The following AFDN variants were observed in gnomAD, a reference collection of about 807,000 sequenced individuals.
AFDN encodes afadin.
A neutral mutation model predicts 216.6 loss-of-function variants in AFDN; 68 were observed. The observed-to-expected ratio is 0.31, with a 90% confidence interval of 0.26 to 0.38. The LOEUF (loss-of-function observed/expected upper bound fraction) is 0.38. Among genes scored for constraint, AFDN ranks in the 10% least tolerant of loss-of-function variants. The probability of loss-of-function intolerance (pLI) is 1.00; values close to 1 mark genes in which losing one functional copy is unlikely to be tolerated. For missense variants in AFDN, 2,136 were observed against 2,342.0 expected (o/e 0.91, Z 1.82); for synonymous variants, 868 against 853.7 (o/e 1.02, Z -0.29).
Position 167,970,030 on chromosome 6 carries a change from A to G in AFDN, c.*95A>G. The G allele has an allele frequency of 3.1e-6, 3 of 955,338 alleles. No homozygotes were observed. Among genetic ancestry groups the G allele is most frequent in the Non-Finnish European group, 4.5e-6 (3 of 663,008 alleles). 59.2% of individuals were successfully genotyped at this position (955,338 alleles called of 1,614,324 possible). ...TGAAGAGGAAAAGAGGAAGGGGGTT[A>G]TATTTCTAAGTGATTTACAATTTCT... is the stretch of plus-strand genomic sequence containing the variant. On this transcript the variant is annotated 3_prime_UTR_variant, in exon 34 of 34. Coordinates refer to ENST00000683244, the MANE Select transcript of AFDN (RefSeq NM_001386888.1).
Position 167,962,515 on chromosome 6 carries a change from A to T in AFDN, c.4916A>T (p.Glu1639Val), listed in dbSNP as rs1237014423. 6.2e-7 allele frequency: 1 copy of T among 1,613,890 alleles called. No individual in the cohort carries two copies. Among genetic ancestry groups the T allele is most frequent in the Non-Finnish European group, 8.5e-7 (1 of 1,179,778 alleles). ...GCGGAAGACCGAGCGAGGCAAGAGG[A>T]AGAGCGCCGGCGGCAGGAGGAGGAG... ...REAEDRARQE[E>V]ERRRQEEERT... Residue 1639 changes from glutamate to valine, a missense_variant, in exon 31 of 34, where the codon GAA (glutamate) becomes GTA (valine). Transcript: ENST00000683244. The surrounding 1 kb of genome is among the most constrained non-coding windows in gnomAD (Gnocchi z 5.2).
chr6:167,925,193 T>G (rs1254593241), intron 23 of AFDN, 102 bp downstream of exon 23: 7 of 806,206 alleles, frequency 8.7e-6, no homozygotes, highest in Non-Finnish European at 1.3e-5. Flanking sequence ...CACCTGTGTA[T>G]AACGTGCCTG....
chr6:167,866,616 A>T (rs989579889), intron 2 of AFDN, among the ~76,000 whole-genome samples: 2 of 152,182 alleles, frequency 1.3e-5, no homozygotes, highest in Non-Finnish European at 2.9e-5. Context: ...GTCTGCTGGG[A>T]CAGTTGTGCC....
At chr6:167,955,554 C>T (rs1796416229) in intron 30 of AFDN, among the ~76,000 whole-genome samples, 1 of 152,158 alleles carries the variant, frequency 6.6e-6, no homozygotes, top group South Asian at 2.1e-4. Context: ...GCTCAGCATC[C>T]ATGACACGGT....
intron 23 of AFDN, among the ~76,000 whole-genome samples, chr6:167,938,850 CA>C (rs1794331353): frequency 6.6e-6 from 1 of 152,084 alleles, no homozygotes; most frequent in Non-Finnish European, 1.5e-5. Context: ...GAAACTGGAA[CA>C]AAGACATCTT....
intron 30 of AFDN, chr6:167,954,634 T>A: frequency 1.8e-6 from 1 of 543,198 alleles, no homozygotes; most frequent in Non-Finnish European, 3.1e-6. Context: ...CCTGACACTT[T>A]AGAAGCATGC....
intron 23 of AFDN, among the ~76,000 whole-genome samples, chr6:167,932,346 A>G (rs1367103323): frequency 6.6e-6 from 1 of 152,182 alleles, no homozygotes; most frequent in Non-Finnish European, 1.5e-5. Flanking sequence ...CAGTGTGGGT[A>G]TGCAGTTTAC....
In AFDN at chr6:167,970,082, A is replaced by T; in HGVS notation, c.*147A>T. 1.5e-6 allele frequency: 1 copy of T among 664,526 alleles called. No homozygotes were observed. The highest frequency in any genetic ancestry group is 2.4e-6 in the Non-Finnish European group (1 of 422,936). The allele number at this position is 664,526 out of a possible 1,614,324, so 41.2% of individuals were successfully genotyped here. The stretch of plus-strand genomic sequence containing the variant: ...TTTCTAAAATTGTTGGGATTTAGAA[A>T]TGTTTCAATTCCAAGAAATTTTATT... On this transcript the variant is annotated 3_prime_UTR_variant, in exon 34 of 34. Coordinates refer to ENST00000683244, the MANE Select transcript of AFDN (RefSeq NM_001386888.1).
Position 167,943,932 on chromosome 6 carries a change from T to C in AFDN, c.3240-9T>C. 6.2e-7 allele frequency: 1 copy of C among 1,613,284 alleles called. No individual in the cohort carries two copies. Among genetic ancestry groups the C allele is most frequent in the Non-Finnish European group, 8.5e-7 (1 of 1,179,226 alleles). On this transcript the variant is annotated splice_polypyrimidine_tract_variant and intron_variant, in intron 25 of 33. Transcript: ENST00000683244. The stretch of plus-strand genomic sequence containing the variant: ...AGTCTTTCTTACATGTGTAATCTTC[T>C]TCTCCTAGGGCGGCAGAACTCATGA...
At chr6:167,827,373 C>T (rs1413513014) in intron 1 of AFDN, 136 bp downstream of exon 1, 2 of 150,036 alleles carry the variant, frequency 1.3e-5, no homozygotes, top group Non-Finnish European at 1.4e-5. Context: ...CTCTCCCCTC[C>T]CCCTCCCCCA....
chr6:167,964,771 A>C, intron 31 of AFDN: 1 of 1,066,144 alleles, frequency 9.4e-7, no homozygotes, highest in Non-Finnish European at 1.1e-6. Flanking sequence ...TTGGTTGAAC[A>C]AATTTACAAT....
At position 167,892,633 on chromosome 6, in the gene AFDN, C is replaced by T. The variant is rs1031014804; in HGVS notation, c.1178-1229C>T. 5.9e-5 allele frequency among the ~76,000 whole-genome samples: 9 copies of T among 152,240 alleles called. No homozygotes were observed. The East Asian group carries it at 7.7e-4, about 13-fold the overall frequency. On this transcript the variant is annotated intron_variant, in intron 8 of 33. Transcript: ENST00000683244. ...GACAGGATGAGGATTCATTCATTCA[C>T]GCATGCATTTGATAAATATTGATTG... is the stretch of plus-strand genomic sequence containing the variant.
At chr6:167,829,324 G>T (rs1779571500) in intron 1 of AFDN, among the ~76,000 whole-genome samples, 1 of 152,044 alleles carries the variant, frequency 6.6e-6, no homozygotes, top group South Asian at 2.1e-4. Context: ...TCCTAGTTAA[G>T]CTTTGCATTT....
chr6:167,963,809 A>G, intron 31 of AFDN: 1 of 1,063,306 alleles, frequency 9.4e-7, no homozygotes, highest in Non-Finnish European at 1.1e-6. Flanking sequence ...TTCTAAGGAA[A>G]TCAGATTTAC....
At chr6:167,926,345 A>G (rs1407422271) in intron 23 of AFDN, among the ~76,000 whole-genome samples, 2 of 152,266 alleles carry the variant, frequency 1.3e-5, no homozygotes, top group African/African-American at 2.4e-5. Flanking sequence ...CTTTGAACCG[A>G]AGGCTAGATG....
chr6:167,911,415 A>T lies in AFDN; in HGVS notation c.1963A>T (p.Ser655Cys). The change falls in exon 15 of 34, where the codon AGC becomes TGC. Residue 655 changes from serine to cysteine, a missense_variant. By Grantham distance (112) the Ser-to-Cys change is moderately radical. Coordinates refer to ENST00000683244, the MANE Select transcript of AFDN (RefSeq NM_001386888.1). ...VLSNQYRPDI[S>C]PTERTHKVIA... The stretch of plus-strand genomic sequence containing the variant: ...GTCCAACCAGTACAGACCTGACATC[A>T]GCCCTACAGAGCGCACACATAAAGT... 1.2e-6 allele frequency: 2 copies of T among 1,614,176 alleles called. No individual in the cohort carries two copies. Among genetic ancestry groups the T allele is most frequent in the Non-Finnish European group, 1.7e-6 (2 of 1,180,028 alleles).
intron 32 of AFDN, 113 bp from the exon 33 acceptor site, chr6:167,969,001 C>T: frequency 1.2e-6 from 1 of 808,438 alleles, no homozygotes; most frequent in Non-Finnish European, 2.1e-6. Flanking sequence ...CTTTTACCTT[C>T]CTACTTACTC....
intron 2 of AFDN, among the ~76,000 whole-genome samples, chr6:167,868,328 T>G (rs1422663295): frequency 6.6e-6 from 1 of 152,198 alleles, no homozygotes; most frequent in African/African-American, 2.4e-5. Context: ...GGAGGGCTAC[T>G]TAAAATCAGG....
At chr6:167,867,406 T>TA (rs1784298102) in intron 2 of AFDN, among the ~76,000 whole-genome samples, 1 of 152,026 alleles carries the variant, frequency 6.6e-6, no homozygotes, top group African/African-American at 2.4e-5. Flanking sequence ...TTGTTTCTAT[T>TA]ACGGACTAAT....
Sources: allele counts gnomAD v4.1 joint callset (sites outside exome capture counted in the v4.1 genomes callset), GRCh38; gene constraint gnomAD v4.1.1; non-coding constraint Gnocchi (gnomAD v3.1); transcripts MANE v1.5; gene names NCBI Gene and HGNC (gene_info 2026-07-23, HGNC 2026-07-21).